The following PRKD1 variants were observed in gnomAD, a reference collection of about 807,000 sequenced individuals.
The protein encoded by PRKD1 is protein kinase D1.
In PRKD1, 63 loss-of-function variants were observed where a neutral mutation model predicts 95.9. The observed-to-expected ratio is 0.66, with a 90% confidence interval of 0.54 to 0.81. The LOEUF (loss-of-function observed/expected upper bound fraction) is 0.81, where lower values mean the gene tolerates loss of function less well. Ranked by LOEUF, PRKD1 falls within the 30% of genes least tolerant of loss-of-function variation. The probability of loss-of-function intolerance (pLI) is 0.00; values close to 1 mark genes in which losing one functional copy is unlikely to be tolerated. For synonymous variants in PRKD1, 425 were observed against 423.1 expected, an observed-to-expected ratio of 1.00 and a Z score of -0.05; for missense variants, 1,048 against 1,165.3, an observed-to-expected ratio of 0.90 and a Z score of 1.47.
At chr14:29,617,779 C>CT (rs1165745587) in intron 13 of PRKD1, among the ~76,000 whole-genome samples, 1 of 152,034 alleles carries the variant, frequency 6.6e-6, no homozygotes, top group Non-Finnish European at 1.5e-5. Context: ...TTTTAACCTT[C>CT]TAACTGGCCT....
intron 4 of PRKD1, among the ~76,000 whole-genome samples, chr14:29,645,386 A>G (rs1475175658): frequency 6.6e-6 from 1 of 152,180 alleles, no homozygotes; most frequent in East Asian, 1.9e-4. Context: ...TTGCATAAAC[A>G]TCACTCAGTT....
intron 2 of PRKD1, among the ~76,000 whole-genome samples, chr14:29,671,124 T>C (rs955848955): frequency 6.6e-6 from 1 of 152,128 alleles, no homozygotes; most frequent in Non-Finnish European, 1.5e-5. Context: ...CAGAAGTTTC[T>C]GGGAAGTTAT....
chr14:29,614,140 T>C (rs183129782), intron 13 of PRKD1, among the ~76,000 whole-genome samples: 42 of 152,302 alleles, frequency 2.8e-4, no homozygotes, highest in African/African-American at 9.9e-4. Context: ...TTCCAAATAT[T>C]ACTAGGGTGC....
chr14:29,591,646 T>G (rs1350843490), intron 16 of PRKD1, among the ~76,000 whole-genome samples: 2 of 152,200 alleles, frequency 1.3e-5, no homozygotes, highest in Admixed American at 6.5e-5. Context: ...TTGTTTAAAA[T>G]AAGCCATTAT....
At chr14:29,750,687 T>C (rs1887442005) in intron 1 of PRKD1, among the ~76,000 whole-genome samples, 1 of 152,016 alleles carries the variant, frequency 6.6e-6, no homozygotes, top group Non-Finnish European at 1.5e-5. Context: ...TCACCTAATG[T>C]GCACATCTTT....
In PRKD1 at chr14:29,779,627, G is replaced by A. The variant is rs960574207; in HGVS notation, c.265-53953C>T. Among the ~76,000 whole-genome samples, 11 of 152,236 alleles carry A rather than the reference G, an allele frequency of 7.2e-5. 1 individual carries two copies. Among genetic ancestry groups the A allele is most frequent in the African/African-American group, 2.2e-4 (9 of 41,532 alleles). On this transcript the variant is annotated intron_variant, in intron 1 of 17. Transcript: ENST00000331968. ...GGAGAACTACAAACCACTGCTCAAC[G>A]AAATAAAAGAGGACACAAACAAATG... is the stretch of plus-strand genomic sequence containing the variant.
chr14:29,904,358 C>T (rs529572749), intron 1 of PRKD1, among the ~76,000 whole-genome samples: 1 of 152,224 alleles, frequency 6.6e-6, no homozygotes, highest in South Asian at 2.1e-4. Flanking sequence ...GGGCTTGATG[C>T]CTGAATTTAA....
In PRKD1 at chr14:29,762,337, T is replaced by C. The variant is rs45611236; in HGVS notation, c.265-36663A>G. Among the ~76,000 whole-genome samples, 1,355 of 152,238 alleles carry C rather than the reference T, an allele frequency of 8.9e-3. 17 individuals are homozygous for C. Among genetic ancestry groups the C allele is most frequent in the African/African-American group, 0.032 (1,312 of 41,534 alleles). On this transcript the variant is annotated intron_variant, in intron 1 of 17. Transcript: ENST00000331968. ...TTGAACTCCACTCCCTTTGTCTTCATAGGCACTCCAGCCACCACTCTGCAT... is the reference window on the plus strand; with the variant it reads ...TTGAACTCCACTCCCTTTGTCTTCACAGGCACTCCAGCCACCACTCTGCAT...
At chr14:29,791,389 G>T (rs142172228) in intron 1 of PRKD1, among the ~76,000 whole-genome samples, 2 of 152,232 alleles carry the variant, frequency 1.3e-5, no homozygotes, top group African/African-American at 4.8e-5. Flanking sequence ...TCATATCAAT[G>T]TAACACTGAA....
At chr14:29,896,008 G>C (rs2139421242) in intron 1 of PRKD1, among the ~76,000 whole-genome samples, 1 of 152,166 alleles carries the variant, frequency 6.6e-6, no homozygotes, top group East Asian at 1.9e-4. Flanking sequence ...AGCTTCAAGA[G>C]AGCAGGGATT....
intron 13 of PRKD1, among the ~76,000 whole-genome samples, chr14:29,623,479 C>A (rs1009886916): frequency 6.6e-6 from 1 of 152,052 alleles, no homozygotes; most frequent in East Asian, 1.9e-4. Context: ...ATATAAAAAT[C>A]GGAATTTATC....
intron 1 of PRKD1, among the ~76,000 whole-genome samples, chr14:29,777,255 G>A (rs943689292): frequency 3.9e-5 from 6 of 152,118 alleles, no homozygotes; most frequent in Admixed American, 1.3e-4. Context: ...AAAATAACCA[G>A]CTAAATCATA....
chr14:29,698,698 A>G (rs1163038601), intron 2 of PRKD1, among the ~76,000 whole-genome samples: 1 of 151,910 alleles, frequency 6.6e-6, no homozygotes, highest in African/African-American at 2.4e-5. Context: ...AGCTCCATGC[A>G]ATGTGTGACA....
chr14:29,700,521 G>C (rs1296307349), intron 2 of PRKD1, among the ~76,000 whole-genome samples: 1 of 152,090 alleles, frequency 6.6e-6, no homozygotes, highest in Admixed American at 6.6e-5. Context: ...TCATGTAAAA[G>C]AAAGTTACCT....
At chr14:29,907,305 T>G (rs567438733) in intron 1 of PRKD1, among the ~76,000 whole-genome samples, 88 of 152,294 alleles carry the variant, frequency 5.8e-4, no homozygotes, top group African/African-American at 2.0e-3. Context: ...GAATAATAAT[T>G]ATGGATCAAA....
chr14:29,683,983 C>A (rs1020008929), intron 2 of PRKD1, among the ~76,000 whole-genome samples: 19 of 152,230 alleles, frequency 1.2e-4, no homozygotes, highest in African/African-American at 4.3e-4. Flanking sequence ...CAATTAACAA[C>A]AATTAACAAA....
At chr14:29,830,407 T>C (rs751686470) in intron 1 of PRKD1, among the ~76,000 whole-genome samples, 1 of 152,160 alleles carries the variant, frequency 6.6e-6, no homozygotes, top group Non-Finnish European at 1.5e-5. Context: ...CATTGTCAAA[T>C]CTTCTCATTT....
At chr14:29,904,256 G>A (rs1426466701) in intron 1 of PRKD1, among the ~76,000 whole-genome samples, 2 of 152,092 alleles carry the variant, frequency 1.3e-5, no homozygotes, top group South Asian at 2.1e-4. Context: ...AGTTAAAAGG[G>A]AAGAGGAACC....
rs1162341357 is a variant in PRKD1, at chr14:29,597,554, C to G, written c.2371G>C (p.Asp791His). Residue 791 changes from aspartate to histidine, a missense_variant, in exon 16 of 18, where the codon GAC becomes CAC. Physicochemically the swap from Asp to His is moderately conservative, Grantham distance 81. This residue lies in a region of PRKD1 where 739 missense variants were observed against 861.9 expected (regional missense o/e 0.86). Transcript: ENST00000331968. ...FPFNEDEDIHDQIQNAAFMYP... is the reference protein window; with the variant it reads ...FPFNEDEDIHHQIQNAAFMYP... ...ATGAAAGCTGCATTCTGAATTTGGTCGTGTATGTCTTCATCTTCATTAAAT... is the reference window on the plus strand; with the variant it reads ...ATGAAAGCTGCATTCTGAATTTGGTGGTGTATGTCTTCATCTTCATTAAAT... The G allele has an allele frequency of 6.2e-7, 1 of 1,613,730 alleles. No individual in the cohort carries two copies. Among genetic ancestry groups the G allele is most frequent in the Non-Finnish European group, 8.5e-7 (1 of 1,179,726 alleles).
Sources: gnomAD v4.1 joint callset for allele counts (sites outside exome capture counted in the v4.1 genomes callset) on GRCh38, gnomAD v4.1.1 for gene constraint, gnomAD v4.1.1 regional missense constraint, MANE v1.5 for transcripts, NCBI Gene and HGNC (gene_info 2026-07-23, HGNC 2026-07-21) for gene names.